DYNC1I1: variants seen among roughly 807,000 people sequenced by gnomAD.
DYNC1I1 encodes dynein cytoplasmic 1 intermediate chain 1, also known as cytoplasmic dynein 1 intermediate chain 1.
DYNC1I1 carries 43 observed loss-of-function variants against 86.6 expected under a neutral mutation model. The observed-to-expected ratio is 0.50, with a 90% CI of 0.39 to 0.64. The LOEUF is 0.64. Among genes scored for constraint, DYNC1I1 ranks in the 30% least tolerant of loss-of-function variants. The pLI is 0.00. For missense variants in DYNC1I1, 604 were observed against 788.8 expected, an observed-to-expected ratio of 0.77 and a Z score of 2.81; for synonymous variants, 262 against 283.7, an observed-to-expected ratio of 0.92 and a Z score of 0.77.
At chr7:95,823,652 C>T (rs1795131150) in intron 4 of DYNC1I1, among the ~76,000 whole-genome samples, 1 of 151,988 alleles carries the variant, frequency 6.6e-6, no homozygotes, top group African/African-American at 2.4e-5. Context: ...TTCAGCATCA[C>T]CTACTCTAGT....
At chr7:95,883,620 T>A (rs924734264) in intron 6 of DYNC1I1, among the ~76,000 whole-genome samples, 21 of 152,360 alleles carry the variant, frequency 1.4e-4, no homozygotes, top group African/African-American at 4.1e-4. Flanking sequence ...GTGTTAAATA[T>A]GTTTGTTGAA....
chr7:96,001,688 A>G lies in DYNC1I1; in HGVS notation c.969+5615A>G, dbSNP rs1311104542. Among the ~76,000 whole-genome samples, 5 of 152,250 alleles carry G rather than the reference A, an allele frequency of 3.3e-5. No homozygotes were observed. The East Asian group carries it at 9.7e-4, about 30-fold the overall frequency. On this transcript the variant is annotated intron_variant, in intron 10 of 16. Coordinates refer to ENST00000447467, the MANE Select transcript of DYNC1I1 (RefSeq NM_001135556.2). ...GGCCACTGTCTTGTTGTGTCTTCAC[A>G]TGGTGGATGGAGACAGTGAGCTCTC...
chr7:95,779,802 G>A (rs1793938850), intron 1 of DYNC1I1, among the ~76,000 whole-genome samples: 1 of 152,090 alleles, frequency 6.6e-6, no homozygotes, highest in Non-Finnish European at 1.5e-5. Flanking sequence ...AATGTGTTTA[G>A]TAAAAACATT....
In DYNC1I1 at chr7:96,028,257, G is replaced by T. The variant is rs764683489; in HGVS notation, c.1052G>T (p.Trp351Leu). Residue 351 changes from tryptophan (W) to leucine (L), a missense_variant, in exon 11 of 17, where the codon TGG (tryptophan) becomes TTG (leucine). Transcript: ENST00000447467. ...GGTYSGQIVL[W>L]DNRSHRRTPV... ...ACTTACTCGGGCCAGATTGTCCTCT[G>T]GGACAATCGCAGTCATCGAAGGACT... 5 of 1,613,846 alleles carry T rather than the reference G, an allele frequency of 3.1e-6. No homozygotes were observed. The South Asian group carries it at 5.5e-5, about 18-fold the overall frequency.
At chr7:96,093,337 G>A (rs185039951) in intron 16 of DYNC1I1, among the ~76,000 whole-genome samples, 69 of 152,154 alleles carry the variant, frequency 4.5e-4, no homozygotes, top group African/African-American at 1.4e-3. Context: ...GTGCCTGACC[G>A]TTGCCAGCAA....
At chr7:95,809,243 C>T (rs1184120966) in intron 2 of DYNC1I1, among the ~76,000 whole-genome samples, 1 of 152,116 alleles carries the variant, frequency 6.6e-6, no homozygotes, top group Non-Finnish European at 1.5e-5. Flanking sequence ...GTAGGTTACC[C>T]TCTGGGAGTA....
At chr7:95,883,578 T>A (rs955406165) in intron 6 of DYNC1I1, among the ~76,000 whole-genome samples, 2 of 152,208 alleles carry the variant, frequency 1.3e-5, no homozygotes, top group Admixed American at 6.5e-5. Flanking sequence ...CTTAAGTGAG[T>A]CATGTTTACA....
chr7:96,071,508 C>T (rs1385811671), intron 14 of DYNC1I1, among the ~76,000 whole-genome samples: 2 of 152,202 alleles, frequency 1.3e-5, no homozygotes, highest in Non-Finnish European at 2.9e-5. Context: ...TCCCATCTTT[C>T]AGATAATATA....
At chr7:96,075,117 T>C (rs946657642) in intron 14 of DYNC1I1, among the ~76,000 whole-genome samples, 2 of 152,262 alleles carry the variant, frequency 1.3e-5, no homozygotes, top group African/African-American at 4.8e-5. Context: ...ATGGAATGAA[T>C]AATTCATGAA....
In DYNC1I1 at chr7:95,869,879, A is replaced by T; in HGVS notation, c.375-4A>T. 5 of 1,612,340 alleles carry T rather than the reference A, an allele frequency of 3.1e-6. No homozygotes were observed. Among genetic ancestry groups the T allele is most frequent in the Middle Eastern group, 1.7e-4 (1 of 6,046 alleles). On this transcript the variant is annotated splice_region_variant and splice_polypyrimidine_tract_variant and intron_variant, in intron 5 of 16. Transcript: ENST00000447467. Reference sequence around the variant, plus strand: ...TCTAAGCATTTATTCTTTGTTACTTACAGAAGAAGACTGCATAAACTGGGC... The same window carrying T: ...TCTAAGCATTTATTCTTTGTTACTTTCAGAAGAAGACTGCATAAACTGGGC...
At chr7:95,847,571 C>G (rs1300894071) in intron 5 of DYNC1I1, among the ~76,000 whole-genome samples, 1 of 152,112 alleles carries the variant, frequency 6.6e-6, no homozygotes, top group Non-Finnish European at 1.5e-5. Flanking sequence ...CAATTTCTTA[C>G]CCAGCAACTT....
intron 1 of DYNC1I1, among the ~76,000 whole-genome samples, chr7:95,798,095 C>G (rs935678294): frequency 2.0e-5 from 3 of 151,996 alleles, no homozygotes; most frequent in Non-Finnish European, 4.4e-5. Flanking sequence ...TACATAAAAA[C>G]ATAAACTAAA....
At chr7:96,015,502 T>G (rs754018842) in intron 10 of DYNC1I1, among the ~76,000 whole-genome samples, 11 of 152,138 alleles carry the variant, frequency 7.2e-5, no homozygotes, top group African/African-American at 2.2e-4. Flanking sequence ...CCTGAAGTGT[T>G]GTAAATTTAA....
At position 95,804,821 on chromosome 7, in the gene DYNC1I1, A is replaced by C; in HGVS notation, c.92A>C (p.Glu31Ala). The C allele has an allele frequency of 6.4e-7, 1 of 1,561,742 alleles. No individual in the cohort carries two copies. Among genetic ancestry groups the C allele is most frequent in the Non-Finnish European group, 8.7e-7 (1 of 1,151,282 alleles). ...IREEKKRKEE[E>A]RKKKEADMQQ... Reference sequence around the variant, plus strand: ...GAAGAGAAGAAACGGAAGGAAGAGGAGAGGAAAAAGAAAGAGGTAAATCCT... The same window carrying C: ...GAAGAGAAGAAACGGAAGGAAGAGGCGAGGAAAAAGAAAGAGGTAAATCCT... Residue 31 changes from glutamate to alanine, a missense_variant, in exon 2 of 17, where the codon GAG becomes GCG. Glu to Ala is a moderately radical substitution (Grantham distance 107). Coordinates refer to ENST00000447467, the MANE Select transcript of DYNC1I1 (RefSeq NM_001135556.2).
intron 9 of DYNC1I1, among the ~76,000 whole-genome samples, chr7:95,991,633 T>G (rs981920299): frequency 1.3e-5 from 2 of 151,978 alleles, no homozygotes; most frequent in Non-Finnish European, 2.9e-5. Flanking sequence ...ATTAATTAAT[T>G]ATCCCTGGGA....
chr7:96,028,625 C>G (rs923236865), intron 11 of DYNC1I1, among the ~76,000 whole-genome samples: 1 of 152,150 alleles, frequency 6.6e-6, no homozygotes. Flanking sequence ...CAAAGAAACC[C>G]TATGCATTTA....
At chr7:95,873,410 G>T (rs749601304) in intron 6 of DYNC1I1, among the ~76,000 whole-genome samples, 1 of 152,116 alleles carries the variant, frequency 6.6e-6, no homozygotes, top group South Asian at 2.1e-4. Flanking sequence ...GAATAAATAG[G>T]TGCAAATGTT....
intron 6 of DYNC1I1, among the ~76,000 whole-genome samples, chr7:95,872,562 A>G (rs1004722751): frequency 2.6e-5 from 4 of 152,160 alleles, no homozygotes; most frequent in Admixed American, 2.6e-4. Context: ...GTGCACCGTA[A>G]TGAACATTCT....
At chr7:95,955,902 A>AG (rs1171795109) in intron 6 of DYNC1I1, among the ~76,000 whole-genome samples, 2 of 152,150 alleles carry the variant, frequency 1.3e-5, no homozygotes, top group East Asian at 3.8e-4. Flanking sequence ...TCTTTATCTT[A>AG]GGGATCTTTG....
Sources: gnomAD v4.1 joint callset for allele counts (sites outside exome capture counted in the v4.1 genomes callset) on GRCh38, gnomAD v4.1.1 for gene constraint, MANE v1.5 for transcripts, NCBI Gene and HGNC (gene_info 2026-07-23, HGNC 2026-07-21) for gene names.